ITPR1: variants seen among roughly 807,000 people sequenced by gnomAD.
ITPR1 encodes the protein inositol 1,4,5-trisphosphate-gated calcium channel ITPR1.
In ITPR1, 96 loss-of-function variants were observed where a neutral mutation model predicts 318.4. The ratio of observed to expected loss-of-function variants is 0.30; its 90% CI spans 0.26 to 0.36. The LOEUF is 0.36. ITPR1 is among the 10% of genes least tolerant of loss of function. The pLI is 1.00. For missense variants in ITPR1, 2,440 were observed against 3,460.2 expected, an observed-to-expected ratio of 0.71 and a Z score of 7.40; for synonymous variants, 1,312 against 1,289.9, an observed-to-expected ratio of 1.02 and a Z score of -0.37.
rs151087805 is a variant in ITPR1 at position 4,502,819 on chromosome 3, C to G, written c.-17+8313C>G. On this transcript the variant is annotated intron_variant, in intron 2 of 61. Coordinates refer to ENST00000649015, the MANE Select transcript of ITPR1 (RefSeq NM_001378452.1). ...CCTTACAGCCAGGCATCGTGGCTCA[C>G]GCCTGTAATCCTAGCACTTTGGGAT... 8.2e-3 allele frequency among the ~76,000 whole-genome samples: 1,247 copies of G among 152,116 alleles called. 15 individuals carry two copies. Among genetic ancestry groups the G allele is most frequent in the African/African-American group, 0.028 (1,179 of 41,546 alleles).
At chr3:4,698,953 C>T (rs2094600205) in intron 34 of ITPR1, among the ~76,000 whole-genome samples, 1 of 152,166 alleles carries the variant, frequency 6.6e-6, no homozygotes, top group Non-Finnish European at 1.5e-5. Flanking sequence ...TGTCTCCTCA[C>T]CCCAAAACGT....
intron 12 of ITPR1, among the ~76,000 whole-genome samples, chr3:4,656,391 A>G (rs2093709092): frequency 6.6e-6 from 1 of 152,208 alleles, no homozygotes; most frequent in Non-Finnish European, 1.5e-5. Context: ...TTCGGAGAGA[A>G]CAAATGTTGC....
intron 17 of ITPR1, 121 bp downstream of exon 17, chr3:4,665,417 T>C: frequency 1.2e-6 from 1 of 858,276 alleles, no homozygotes; most frequent in Non-Finnish European, 1.7e-6. Flanking sequence ...TAGTTCAGTG[T>C]TGAGCTTGCT....
At chr3:4,835,370 G>A (rs1211426490) in intron 60 of ITPR1, among the ~76,000 whole-genome samples, 6 of 152,194 alleles carry the variant, frequency 3.9e-5, no homozygotes, top group Non-Finnish European at 7.4e-5. Context: ...CCTGCTGCCC[G>A]CATTTGTAAA....
chr3:4,803,003 G>A (rs2048337342), intron 54 of ITPR1, among the ~76,000 whole-genome samples: 1 of 152,156 alleles, frequency 6.6e-6, no homozygotes, highest in South Asian at 2.1e-4. Context: ...TATAAGAAAA[G>A]AGGTTTAATT....
chr3:4,809,502 A>G (rs977447258), intron 55 of ITPR1, among the ~76,000 whole-genome samples: 1 of 152,188 alleles, frequency 6.6e-6, no homozygotes, highest in African/African-American at 2.4e-5. Flanking sequence ...TGTAAACAAT[A>G]TATATCTATA....
chr3:4,696,479 A>C (rs916196546), intron 33 of ITPR1, among the ~76,000 whole-genome samples: 2 of 152,186 alleles, frequency 1.3e-5, no homozygotes, highest in East Asian at 3.8e-4. Context: ...TCTATTCTAT[A>C]CATACACCAC....
chr3:4,698,140 A>C (rs2094588688), intron 34 of ITPR1, among the ~76,000 whole-genome samples: 2 of 152,188 alleles, frequency 1.3e-5, no homozygotes, highest in South Asian at 4.1e-4. Flanking sequence ...GAGTTTTGTG[A>C]TGGTGGAATT....
chr3:4,519,587 A>T (rs1340081736), intron 3 of ITPR1, among the ~76,000 whole-genome samples: 1 of 152,148 alleles, frequency 6.6e-6, no homozygotes, highest in East Asian at 1.9e-4. Context: ...GTCAAGCATT[A>T]TGTTAGCTCT....
chr3:4,751,798 T>C (rs766157853), intron 44 of ITPR1, among the ~76,000 whole-genome samples: 48 of 152,182 alleles, frequency 3.2e-4, no homozygotes, highest in Non-Finnish European at 7.4e-5. Context: ...GTTTTCTCAT[T>C]ATAAGGTGCC....
chr3:4,609,759 T>C (rs2091964357), intron 4 of ITPR1, among the ~76,000 whole-genome samples: 1 of 152,142 alleles, frequency 6.6e-6, no homozygotes, highest in Non-Finnish European at 1.5e-5. Context: ...AGGACCTTGG[T>C]GCTCAGGGCT....
intron 30 of ITPR1, among the ~76,000 whole-genome samples, chr3:4,686,366 A>G (rs1217800910): frequency 6.6e-6 from 1 of 152,228 alleles, no homozygotes. Context: ...TGTCGTAGGT[A>G]TAATACCTAG....
chr3:4,499,756 G>T (rs542321901), intron 2 of ITPR1, among the ~76,000 whole-genome samples: 190 of 152,284 alleles, frequency 1.2e-3, no homozygotes, highest in African/African-American at 4.4e-3. Flanking sequence ...TCCCCTTGGG[G>T]TACCATAATT....
intron 10 of ITPR1, among the ~76,000 whole-genome samples, chr3:4,648,101 G>A (rs1046677476): frequency 2.6e-5 from 4 of 151,966 alleles, no homozygotes; most frequent in East Asian, 3.9e-4. Context: ...GTGGTAAGCC[G>A]AGAGTGCACC....
At position 4,840,651 on chromosome 3, in the gene ITPR1, G is replaced by T. The variant is rs550460031; in HGVS notation, c.8190+3716G>T. 2.6e-5 allele frequency among the ~76,000 whole-genome samples: 4 copies of T among 152,252 alleles called. No individual in the cohort carries two copies. In the East Asian group the frequency reaches 7.7e-4, roughly 29 times the overall value. ...GATATTAGTAAAATTATGGTTAGTG[G>T]TGTCACTTTTTCTATTATTGCCAAG... On this transcript the variant is annotated intron_variant, in intron 61 of 61. Transcript: ENST00000649015.
Position 4,713,934 on chromosome 3 carries a change from A to G in ITPR1, c.5103+2066A>G, listed in dbSNP as rs149757064. Among the ~76,000 whole-genome samples, 17 of 152,160 alleles carry G rather than the reference A, an allele frequency of 1.1e-4. No individual in the cohort carries two copies. The East Asian group carries it at 3.1e-3, about 28-fold the overall frequency. On this transcript the variant is annotated intron_variant, in intron 39 of 61. Transcript: ENST00000649015. The stretch of plus-strand genomic sequence containing the variant: ...GATGCTCTAGAAACCCATGTTAGCC[A>G]CTCCAAACCTGCAAGACTTGTCGTG...
chr3:4,687,925 G>C (rs1159583748), intron 30 of ITPR1, among the ~76,000 whole-genome samples: 2 of 152,202 alleles, frequency 1.3e-5, no homozygotes, highest in African/African-American at 4.8e-5. Context: ...GGAGCTGATG[G>C]CAAAAGTTAA....
chr3:4,520,374 G>T (rs1182058138), intron 3 of ITPR1, among the ~76,000 whole-genome samples: 1 of 152,150 alleles, frequency 6.6e-6, no homozygotes, highest in Non-Finnish European at 1.5e-5. Context: ...TTCCCCACTA[G>T]TTGCTTTTGA....
At chr3:4,603,301 G>A (rs4685775) in intron 4 of ITPR1, among the ~76,000 whole-genome samples, 140,264 of 152,208 alleles carry the variant, frequency 0.92, 64,753 homozygotes, top group Middle Eastern at 0.97. Flanking sequence ...TGAGTATATT[G>A]CATGATGCTG....
Sources: allele counts gnomAD v4.1 joint callset (sites outside exome capture counted in the v4.1 genomes callset), GRCh38; gene constraint gnomAD v4.1.1; transcripts MANE v1.5; gene names NCBI Gene and HGNC (gene_info 2026-07-23, HGNC 2026-07-21).